The following PFKFB3 variants were observed in gnomAD, a reference collection of about 807,000 sequenced individuals.
PFKFB3 encodes 6-phosphofructo-2-kinase/fructose-2,6-bisphosphatase 3.
A neutral mutation model predicts 68.0 loss-of-function variants in PFKFB3; 33 were observed. That is an observed-to-expected ratio of 0.49 (90% confidence interval 0.37 to 0.65). The LOEUF (loss-of-function observed/expected upper bound fraction) is 0.65. PFKFB3 is among the 30% of genes least tolerant of loss of function. The probability of loss-of-function intolerance (pLI) is 0.00; values close to 1 mark genes in which losing one functional copy is unlikely to be tolerated. For missense variants in PFKFB3, 586 were observed against 712.2 expected (o/e 0.82, Z 2.02); for synonymous variants, 315 against 288.2 (o/e 1.09, Z -0.94).
the PFKFB3 span, among the ~76,000 whole-genome samples, chr10:6,322,934 C>T: frequency 6.6e-6 from 1 of 152,150 alleles, no homozygotes; most frequent in Non-Finnish European, 1.5e-5. Flanking sequence ...AATGTAAGTT[C>T]CATGGGGACA....
chr10:6,175,770 C>G (rs1168806509), intron 1 of PFKFB3, among the ~76,000 whole-genome samples: 1 of 152,210 alleles, frequency 6.6e-6, no homozygotes, highest in Non-Finnish European at 1.5e-5. Context: ...TTCAACCTCC[C>G]TAATTATTCA....
the PFKFB3 span, among the ~76,000 whole-genome samples, chr10:6,301,611 C>G: frequency 6.6e-6 from 1 of 152,110 alleles, no homozygotes; most frequent in East Asian, 1.9e-4. Context: ...CTTTTATTTT[C>G]TCTGGAAAGC....
the PFKFB3 span, among the ~76,000 whole-genome samples, chr10:6,319,076 A>C: frequency 1.2e-4 from 19 of 152,210 alleles, no homozygotes; most frequent in Non-Finnish European, 7.4e-5. Context: ...AAAGTGCCTT[A>C]TCTGTTCTAG....
In PFKFB3 at chr10:6,227,313, C is replaced by T. The variant is rs117719091; in HGVS notation, c.1515+948C>T. On this transcript the variant is annotated intron_variant, in intron 14 of 14. Coordinates refer to ENST00000379775, the MANE Select transcript of PFKFB3 (RefSeq NM_004566.4). ...ACCACCCAAGGGTCTGCCCTACCTC[C>T]ACCCTCCAGGCCTGCCCCCACAAAT... Among the ~76,000 whole-genome samples, 338 of 152,314 alleles carry T rather than the reference C, an allele frequency of 2.2e-3. 7 individuals carry two copies. In the East Asian group the frequency reaches 0.041, roughly 18 times the overall value.
the PFKFB3 span, among the ~76,000 whole-genome samples, chr10:6,273,457 G>T: frequency 6.6e-6 from 1 of 152,084 alleles, no homozygotes; most frequent in Non-Finnish European, 1.5e-5. Flanking sequence ...AGTGTATAAA[G>T]CCCTTCAAAC....
chr10:6,172,322 G>A (rs1842339694), intron 1 of PFKFB3, among the ~76,000 whole-genome samples: 1 of 152,186 alleles, frequency 6.6e-6, no homozygotes, highest in African/African-American at 2.4e-5. Context: ...AGCAGAGGAG[G>A]CAGAGGAGTC....
chr10:6,281,175 A>ATATATATG, the PFKFB3 span, among the ~76,000 whole-genome samples: 1 of 127,572 alleles, frequency 7.8e-6, no homozygotes, highest in South Asian at 2.6e-4. Context: ...TCATATATAT[A>ATATATATG]TATATATACA....
chr10:6,232,064 GCT>G (rs897146038), intron 14 of PFKFB3, among the ~76,000 whole-genome samples: 3 of 152,214 alleles, frequency 2.0e-5, no homozygotes, highest in African/African-American at 7.2e-5. Flanking sequence ...GTGTGCCTGG[GCT>G]CTCTCCCACC....
At chr10:6,237,603 C>A (rs937614195), downstream of PFKFB3, among the ~76,000 whole-genome samples, 2 of 152,208 alleles carry the variant, frequency 1.3e-5, no homozygotes, top group African/African-American at 4.8e-5. Context: ...GGGTTTTGCT[C>A]TGTCTCCCAG....
At chr10:6,306,263 A>G in the PFKFB3 span, among the ~76,000 whole-genome samples, 1 of 152,194 alleles carries the variant, frequency 6.6e-6, no homozygotes, top group Non-Finnish European at 1.5e-5. Flanking sequence ...TTCTATGATG[A>G]TTCTAGGCTT....
Position 6,228,744 on chromosome 10 carries a change from C to T in PFKFB3, c.1515+2379C>T, listed in dbSNP as rs1186358712. On this transcript the variant is annotated intron_variant, in intron 14 of 14. Transcript: ENST00000379775. This position sits in a 1 kb window ranked among gnomAD's most constrained non-coding sequence, Gnocchi z 4.5. ...GCCTCTCCCTCCCCATGAGGACCCC[C>T]CACACCCCAAAAGAGCTCCGAGTGG... Among the ~76,000 whole-genome samples, 3 of 152,164 alleles carry T rather than the reference C, an allele frequency of 2.0e-5. No individual in the cohort carries two copies. Among genetic ancestry groups the T allele is most frequent in the East Asian group, 1.9e-4 (1 of 5,190 alleles).
At chr10:6,232,614 C>G (rs1009980629) in intron 14 of PFKFB3, among the ~76,000 whole-genome samples, 1 of 152,096 alleles carries the variant, frequency 6.6e-6, no homozygotes, top group Non-Finnish European at 1.5e-5. Flanking sequence ...CGCCGCGCAG[C>G]TCACGGTCCT....
chr10:6,219,769 A>G (rs1443602106), intron 7 of PFKFB3, 76 bp downstream of exon 7: 8 of 1,534,624 alleles, frequency 5.2e-6, no homozygotes, highest in African/African-American at 1.4e-5. Flanking sequence ...CCCACAAAGG[A>G]TTTGCTCCTG....
rs1184837359 is a variant in PFKFB3 at position 6,226,209 on chromosome 10, T to C, written c.1359T>C (p.Pro453=). ...TTGCTTAGGATGCAAAGAAGGGACC[T>C]AACCCGCTCATGAGACGCAATAGTG... The part of the protein sequence containing the change: ...RERSEDAKKG[P]NPLMRRNSVT... The change falls in exon 14 of 15, where the codon CCT becomes CCC. Residue 453 remains proline, a synonymous_variant. Transcript: ENST00000379775. 6 of 1,607,654 alleles carry C rather than the reference T, an allele frequency of 3.7e-6. No homozygotes were observed. The African/African-American group carries it at 4.0e-5, about 11-fold the overall frequency.
At chr10:6,186,257 A>G (rs1842866206) in intron 1 of PFKFB3, among the ~76,000 whole-genome samples, 1 of 152,328 alleles carries the variant, frequency 6.6e-6, no homozygotes, top group Admixed American at 6.5e-5. Flanking sequence ...TGGATACTGG[A>G]CCAGCAGTGG....
At chr10:6,239,234 G>A (rs1158725650), downstream of PFKFB3, among the ~76,000 whole-genome samples, 1 of 152,174 alleles carries the variant, frequency 6.6e-6, no homozygotes, top group Non-Finnish European at 1.5e-5. Context: ...GAGCATGCAT[G>A]CCCGGCGTTT....
intron 14 of PFKFB3, among the ~76,000 whole-genome samples, chr10:6,252,646 AGATAT>A (rs1229899646): frequency 3.3e-5 from 5 of 152,264 alleles, no homozygotes; most frequent in Admixed American, 2.0e-4. Context: ...ATTGGTTAAA[AGATAT>A]GATATAACAC....
At chr10:6,292,316 ACT>A in the PFKFB3 span, among the ~76,000 whole-genome samples, 1 of 106,210 alleles carries the variant, frequency 9.4e-6, no homozygotes, top group African/African-American at 3.8e-5. Flanking sequence ...ACAGAGTCTC[ACT>A]CTGTCGCCCA....
chr10:6,228,999 C>A lies in PFKFB3; in HGVS notation c.1515+2634C>A. ...ACCAGGAGCAGAGGCCTTCCTGCCA[C>A]AGAACTTTAATGACAGCCACATGAA... On this transcript the variant is annotated intron_variant, in intron 14 of 14. Coordinates refer to ENST00000379775, the MANE Select transcript of PFKFB3 (RefSeq NM_004566.4). The surrounding 1 kb of genome is among the most constrained non-coding windows in gnomAD (Gnocchi z 4.5). 2.2e-6 allele frequency: 1 copy of A among 447,152 alleles called. No individual in the cohort carries two copies. The highest frequency in any genetic ancestry group is 4.7e-6 in the Non-Finnish European group (1 of 212,212). The allele number at this position is 447,152 out of a possible 1,614,324, so 27.7% of individuals were successfully genotyped here. A position where few individuals can be genotyped will look rare whatever the true frequency, so the allele number is the denominator to read the frequency against.
Sources: gnomAD v4.1 joint callset for allele counts (sites outside exome capture counted in the v4.1 genomes callset) on GRCh38, gnomAD v4.1.1 for gene constraint, Gnocchi (gnomAD v3.1) non-coding constraint, MANE v1.5 for transcripts, NCBI Gene and HGNC (gene_info 2026-07-23, HGNC 2026-07-21) for gene names.